KCNIP4: variants seen among roughly 807,000 people sequenced by gnomAD.
The protein encoded by KCNIP4 is Kv channel-interacting protein 4.
KCNIP4 carries 12 observed loss-of-function variants against 34.0 expected under a neutral mutation model. That is an observed-to-expected ratio of 0.35 (90% confidence interval 0.23 to 0.57). The LOEUF (loss-of-function observed/expected upper bound fraction) is 0.57, where lower values mean the gene tolerates loss of function less well. Among genes scored for constraint, KCNIP4 ranks in the 20% least tolerant of loss-of-function variants. The pLI, the probability that KCNIP4 is intolerant of heterozygous loss-of-function variation, is 0.83. For synonymous variants in KCNIP4, 124 were observed against 102.2 expected, an observed-to-expected ratio of 1.21 and a Z score of -1.29; for missense variants, 238 against 311.7, an observed-to-expected ratio of 0.76 and a Z score of 1.78.
intron 1 of KCNIP4, among the ~76,000 whole-genome samples, chr4:21,773,751 T>TTTTTTG (rs1718978082): frequency 1.8e-5 from 2 of 110,422 alleles, no homozygotes; most frequent in African/African-American, 8.2e-5. Context: ...TGTTGTTTTT[T>TTTTTTG]TTTTTTTGTT....
chr4:21,471,476 A>G (rs1012800136), intron 1 of KCNIP4, among the ~76,000 whole-genome samples: 2 of 152,164 alleles, frequency 1.3e-5, no homozygotes, highest in Non-Finnish European at 2.9e-5. Context: ...TTATCTCTGT[A>G]TTTCAGTTCT....
In KCNIP4 at chr4:21,618,619, TTTTTC is replaced by T. The variant is rs1276826039; in HGVS notation, c.61+329947_61+329951del. 3.3e-4 allele frequency among the ~76,000 whole-genome samples: 41 copies of T among 125,534 alleles called. 2 individuals carry two copies. In the South Asian group the frequency reaches 8.0e-3, roughly 25 times the overall value. 82.4% of individuals were successfully genotyped at this position (125,534 alleles called of 152,430 possible). A position where few individuals can be genotyped will look rare whatever the true frequency, so the allele number is the denominator to read the frequency against. ...ATTTATATATTTTCTTTTCTTTTTC[TTTTTC>T]TTTTTCTTTTTTTTTTTTTTTTTTT... On this transcript the variant is annotated intron_variant, in intron 1 of 8. Coordinates refer to ENST00000382152, the MANE Select transcript of KCNIP4 (RefSeq NM_025221.6).
chr4:21,533,309 G>T (rs2108982486), intron 1 of KCNIP4, among the ~76,000 whole-genome samples: 1 of 152,050 alleles, frequency 6.6e-6, no homozygotes, highest in East Asian at 1.9e-4. Context: ...TTCCTGCTCT[G>T]TTTGCTATTC....
intron 1 of KCNIP4, among the ~76,000 whole-genome samples, chr4:21,239,584 C>G (rs142674572): frequency 0.021 from 3,151 of 152,248 alleles, 47 homozygotes; most frequent in Non-Finnish European, 0.03. Context: ...AAACACTTCT[C>G]AAAAGAAGAC....
At chr4:21,793,332 C>A (rs533528502) in intron 1 of KCNIP4, among the ~76,000 whole-genome samples, 3 of 152,220 alleles carry the variant, frequency 2.0e-5, no homozygotes, top group African/African-American at 7.2e-5. Flanking sequence ...TCACTGCAAC[C>A]TTTCAACCTC....
intron 1 of KCNIP4, among the ~76,000 whole-genome samples, chr4:21,734,521 TA>T (rs1163520727): frequency 2.6e-5 from 4 of 152,266 alleles, no homozygotes; most frequent in African/African-American, 9.6e-5. Flanking sequence ...GAGTTAGAAG[TA>T]AAAAGTAAAA....
chr4:20,939,713 GCTT>G (rs1329728879), intron 1 of KCNIP4, among the ~76,000 whole-genome samples: 2 of 152,104 alleles, frequency 1.3e-5, no homozygotes, highest in Non-Finnish European at 2.9e-5. Flanking sequence ...ATACATCTGT[GCTT>G]CTTATCTGAA....
chr4:20,854,645 G>C (rs530129921), intron 2 of KCNIP4, among the ~76,000 whole-genome samples: 27 of 152,172 alleles, frequency 1.8e-4, no homozygotes, highest in African/African-American at 5.3e-4. Context: ...AGGAAAAAAA[G>C]AATTGAAGGA....
At chr4:21,716,307 G>A (rs144654069) in intron 1 of KCNIP4, among the ~76,000 whole-genome samples, 2,181 of 152,108 alleles carry the variant, frequency 0.014, 59 homozygotes, top group African/African-American at 0.049. Context: ...CGTGATCTCG[G>A]CTCACTGCAC....
rs34366909 is a variant in KCNIP4, at chr4:21,054,707, C to CAAA, written c.62-172001_62-171999dup. Among the ~76,000 whole-genome samples the CAAA allele has an allele frequency of 2.6e-3, 224 of 86,166 alleles. 5 individuals carry two copies. The highest frequency in any genetic ancestry group is 7.4e-3 in the African/African-American group (188 of 25,510). The allele number at this position is 86,166 out of a possible 152,430, so 56.5% of individuals were successfully genotyped here. Reference sequence around the variant, plus strand: ...CTCAACAAACCTGAATACTCACATGCAAAAAAAAAAAAAAAAAAAGAATCT... The same window carrying CAAA: ...CTCAACAAACCTGAATACTCACATGCAAAAAAAAAAAAAAAAAAAAAAGAATCT... On this transcript the variant is annotated intron_variant, in intron 1 of 8. Transcript: ENST00000382152.
intron 1 of KCNIP4, among the ~76,000 whole-genome samples, chr4:21,369,153 ATT>A (rs1720085068): frequency 6.8e-6 from 1 of 147,242 alleles, no homozygotes. Context: ...TGGAAAAATA[ATT>A]AAAATATACT....
intron 1 of KCNIP4, among the ~76,000 whole-genome samples, chr4:20,894,491 T>C (rs1243892884): frequency 1.3e-5 from 2 of 152,160 alleles, no homozygotes; most frequent in African/African-American, 2.4e-5. Context: ...AATAACATAT[T>C]TGAAGGGATT....
intron 1 of KCNIP4, among the ~76,000 whole-genome samples, chr4:21,785,001 C>T (rs1275655268): frequency 6.6e-6 from 1 of 152,158 alleles, no homozygotes; most frequent in Admixed American, 6.5e-5. Flanking sequence ...AGTTATATTA[C>T]TGGCTGTCCC....
rs1324064710 is a variant in KCNIP4 at position 20,732,799 on chromosome 4, G to C, written c.538-14C>G. 5 of 1,494,780 alleles carry C rather than the reference G, an allele frequency of 3.3e-6. No homozygotes were observed. The highest frequency in any genetic ancestry group is 4.7e-6 in the Non-Finnish European group (5 of 1,072,908). 92.6% of individuals were successfully genotyped at this position (1,494,780 alleles called of 1,614,324 possible). A position where few individuals can be genotyped will look rare whatever the true frequency, so the allele number is the denominator to read the frequency against. ...ATCAAGCATTTCCTGAAAAATAAAAGGCACTCACGTGAGGCTGCACACATG... is the reference window on the plus strand; with the variant it reads ...ATCAAGCATTTCCTGAAAAATAAAACGCACTCACGTGAGGCTGCACACATG... On this transcript the variant is annotated splice_polypyrimidine_tract_variant and intron_variant, in intron 6 of 8. Transcript: ENST00000382152.
At chr4:21,786,242 C>G (rs1000578892) in intron 1 of KCNIP4, among the ~76,000 whole-genome samples, 1 of 152,172 alleles carries the variant, frequency 6.6e-6, no homozygotes, top group Non-Finnish European at 1.5e-5. Flanking sequence ...CCACCATGCC[C>G]GGCCTCGCTT....
At chr4:21,929,044 T>C (rs546814862) in intron 1 of KCNIP4, among the ~76,000 whole-genome samples, 1 of 152,086 alleles carries the variant, frequency 6.6e-6, no homozygotes, top group Non-Finnish European at 1.5e-5. Context: ...GAGTAAACTA[T>C]ATCCACGAAT....
chr4:21,366,080 T>C (rs189692698), intron 1 of KCNIP4, among the ~76,000 whole-genome samples: 1 of 152,338 alleles, frequency 6.6e-6, no homozygotes, highest in Non-Finnish European at 1.5e-5. Flanking sequence ...ATTTAAGGCT[T>C]AGGAATTGCA....
chr4:21,169,934 A>G (rs975159113), intron 1 of KCNIP4, among the ~76,000 whole-genome samples: 1 of 152,134 alleles, frequency 6.6e-6, no homozygotes, highest in Non-Finnish European at 1.5e-5. Context: ...GGCCCATTCT[A>G]TAATGCCCAC....
intron 1 of KCNIP4, among the ~76,000 whole-genome samples, chr4:20,994,236 T>A (rs1737338223): frequency 6.6e-6 from 1 of 152,138 alleles, no homozygotes; most frequent in African/African-American, 2.4e-5. Flanking sequence ...GCCTACTATA[T>A]AGATGTAATA....
Sources: gnomAD v4.1 joint callset for allele counts (sites outside exome capture counted in the v4.1 genomes callset) on GRCh38, gnomAD v4.1.1 for gene constraint, MANE v1.5 for transcripts, NCBI Gene and HGNC (gene_info 2026-07-23, HGNC 2026-07-21) for gene names.